The following FHAD1 variants were observed in gnomAD, a reference collection of about 807,000 sequenced individuals.
The protein encoded by FHAD1 is forkhead-associated domain-containing protein 1.
A neutral mutation model predicts 191.3 loss-of-function variants in FHAD1; 146 were observed. The observed-to-expected ratio is 0.76, with a 90% CI of 0.67 to 0.88. The LOEUF is 0.88. Among genes scored for constraint, FHAD1 ranks in the 40% least tolerant of loss-of-function variants. The pLI is 0.00. For missense variants in FHAD1, 1,635 were observed against 1,785.8 expected (o/e 0.92, Z 1.52); for synonymous variants, 616 against 672.3 (o/e 0.92, Z 1.29).
chr1:15,301,675 G>T (rs544915155), intron 6 of FHAD1, among the ~76,000 whole-genome samples: 2 of 152,364 alleles, frequency 1.3e-5, no homozygotes, highest in South Asian at 4.1e-4. Context: ...AAGCGCTTTA[G>T]ATTAACTTAT....
chr1:15,255,894 G>A (rs1341002092), intron 2 of FHAD1, among the ~76,000 whole-genome samples: 1 of 152,168 alleles, frequency 6.6e-6, no homozygotes, highest in African/African-American at 2.4e-5. Flanking sequence ...TTTTGATCTT[G>A]ATCTGAAAAA....
chr1:15,327,181 C>T lies in FHAD1; in HGVS notation c.1557+39C>T, dbSNP rs768521293. ...CCCTGCCACGTGGCTCCTTCACTTT[C>T]CTCTTCTTCTTCTTCGTGGATCTGG... On this transcript the variant is annotated intron_variant, in intron 12 of 33. Coordinates refer to ENST00000688493, the MANE Select transcript of FHAD1 (RefSeq NM_001391957.1). The surrounding 1 kb of genome is among the most constrained non-coding windows in gnomAD (Gnocchi z 5.1). 1.5e-6 allele frequency: 2 copies of T among 1,350,198 alleles called. No individual in the cohort carries two copies. Among genetic ancestry groups the T allele is most frequent in the South Asian group, 1.3e-5 (1 of 79,076 alleles). 83.6% of individuals were successfully genotyped at this position (1,350,198 alleles called of 1,614,324 possible).
chr1:15,281,496 A>G (rs1660567298), intron 3 of FHAD1, among the ~76,000 whole-genome samples: 1 of 152,004 alleles, frequency 6.6e-6, no homozygotes, highest in Non-Finnish European at 1.5e-5. Context: ...ATGGTGGCTC[A>G]CACCTGTAAT....
In FHAD1 at chr1:15,369,446, G is replaced by A; in HGVS notation, c.3391G>A (p.Asp1131Asn). 6.4e-7 allele frequency: 1 copy of A among 1,551,764 alleles called. No individual in the cohort carries two copies. The highest frequency in any genetic ancestry group is 8.7e-7 in the Non-Finnish European group (1 of 1,147,020). Residue 1131 changes from aspartate to asparagine, a missense_variant, in exon 26 of 34, where the codon GAC (aspartate) becomes AAC (asparagine). Asp to Asn is a conservative substitution (Grantham distance 23). Transcript: ENST00000688493. ...QKPRKKTQTC[D>N]TSVQIEPVHT... Reference sequence around the variant, plus strand: ...GCCCCGGAAGAAGACCCAGACGTGTGACACCTCTGTGCAGATAGAACCCGT... The same window carrying A: ...GCCCCGGAAGAAGACCCAGACGTGTAACACCTCTGTGCAGATAGAACCCGT...
intron 3 of FHAD1, among the ~76,000 whole-genome samples, chr1:15,285,294 G>A (rs893644820): frequency 2.6e-5 from 4 of 152,218 alleles, no homozygotes; most frequent in Non-Finnish European, 5.9e-5. Context: ...CACTTTGGGA[G>A]GCCAAGGCGG....
chr1:15,293,046 G>A (rs969957426), intron 4 of FHAD1, among the ~76,000 whole-genome samples: 2 of 152,192 alleles, frequency 1.3e-5, no homozygotes, highest in Non-Finnish European at 2.9e-5. Context: ...CATCCAGCAT[G>A]GGAGATGACT....
intron 23 of FHAD1, chr1:15,363,643 C>T: frequency 2.4e-6 from 1 of 410,538 alleles, no homozygotes; most frequent in Non-Finnish European, 4.8e-6. Context: ...CAGTGGAGAC[C>T]ACTTGGTGGG....
intron 28 of FHAD1, among the ~76,000 whole-genome samples, chr1:15,379,575 T>C (rs3001999): frequency 6.6e-6 from 1 of 151,912 alleles, no homozygotes; most frequent in Non-Finnish European, 1.5e-5. Context: ...TACGGGTGTC[T>C]GGCTGGGGGA....
chr1:15,378,120 A>G (rs893714193), intron 28 of FHAD1, among the ~76,000 whole-genome samples: 1 of 152,220 alleles, frequency 6.6e-6, no homozygotes, highest in African/African-American at 2.4e-5. Flanking sequence ...CCTGGCCAAC[A>G]TGGCAATACC....
intron 14 of FHAD1, among the ~76,000 whole-genome samples, chr1:15,330,354 A>G (rs889012738): frequency 2.0e-5 from 3 of 152,252 alleles, no homozygotes; most frequent in Admixed American, 2.0e-4. Flanking sequence ...CATGCTTACC[A>G]GAGGCCACAT....
chr1:15,344,689 C>T (rs1688155435), intron 16 of FHAD1, among the ~76,000 whole-genome samples: 1 of 152,210 alleles, frequency 6.6e-6, no homozygotes, highest in African/African-American at 2.4e-5. Context: ...TACTAGTAAA[C>T]TGGGTGGATT....
At chr1:15,315,485 C>CTTTTTTT (rs34261315) in intron 8 of FHAD1, among the ~76,000 whole-genome samples, 5 of 121,142 alleles carry the variant, frequency 4.1e-5, no homozygotes, top group Non-Finnish European at 6.6e-5. Flanking sequence ...TGGGTGTTTC[C>CTTTTTTT]TTTTTTTTTT....
chr1:15,377,620 T>A (rs1699970613), intron 28 of FHAD1, among the ~76,000 whole-genome samples: 1 of 151,896 alleles, frequency 6.6e-6, no homozygotes. Context: ...GGCAGATCAC[T>A]TTGAGCTCAG....
intron 2 of FHAD1, among the ~76,000 whole-genome samples, chr1:15,265,970 CAAAAAAAAAAA>C (rs531702447): frequency 2.5e-5 from 2 of 78,726 alleles, no homozygotes; most frequent in African/African-American, 5.3e-5. Context: ...GACTCCATCT[CAAAAAAAAAAA>C]AAAAAAAAGA....
chr1:15,388,913 G>A (rs1057210440), intron 32 of FHAD1, among the ~76,000 whole-genome samples: 2 of 152,178 alleles, frequency 1.3e-5, no homozygotes, highest in Admixed American at 6.5e-5. Flanking sequence ...GAGACAGATC[G>A]ATGTCATCAC....
chr1:15,272,374 T>G lies in FHAD1; in HGVS notation c.145T>G (p.Cys49Gly), dbSNP rs995776529. The G allele has an allele frequency of 3.0e-5, 47 of 1,551,420 alleles. No individual in the cohort carries two copies. Among genetic ancestry groups the G allele is most frequent in the Non-Finnish European group, 3.8e-5 (44 of 1,146,970 alleles). ...ACTCATTGAATATAACGAGGCGGAG[T>G]GCAGCTTTGTTCTCCAGGACTTCAA... ...HALIEYNEAE[C>G]SFVLQDFNSR... Residue 49 changes from cysteine (C) to glycine (G), a missense_variant, in exon 3 of 34, where the codon TGC (cysteine) becomes GGC (glycine). Physicochemically the swap from Cys to Gly is radical, Grantham distance 159. Coordinates refer to ENST00000688493, the MANE Select transcript of FHAD1 (RefSeq NM_001391957.1).
At chr1:15,308,444 G>A (rs1671221680) in intron 6 of FHAD1, among the ~76,000 whole-genome samples, 169 bp from the exon 7 acceptor site, 1 of 152,210 alleles carries the variant, frequency 6.6e-6, no homozygotes, top group African/African-American at 2.4e-5. Context: ...GGTCCTTGAA[G>A]GAACAGGCCC....
In FHAD1 at chr1:15,367,764, G is replaced by A. The variant is rs1696938753; in HGVS notation, c.3314+142G>A. 5.5e-6 allele frequency: 4 copies of A among 726,142 alleles called. No homozygotes were observed. In the South Asian group the frequency reaches 5.8e-5, roughly 10 times the overall value. 45.0% of individuals were successfully genotyped at this position (726,142 alleles called of 1,614,324 possible). On this transcript the variant is annotated intron_variant, in intron 25 of 33. Transcript: ENST00000688493. ...TGTGTTTCATGGCTTGGCTTATTCTGTGCTTCTCAAACTTCCTTGTCCAAT... is the reference window on the plus strand; with the variant it reads ...TGTGTTTCATGGCTTGGCTTATTCTATGCTTCTCAAACTTCCTTGTCCAAT...
intron 5 of FHAD1, among the ~76,000 whole-genome samples, chr1:15,298,828 G>T (rs944174981): frequency 6.6e-6 from 1 of 152,066 alleles, no homozygotes; most frequent in Non-Finnish European, 1.5e-5. Flanking sequence ...TTTATGCCCT[G>T]ACTTGTCAGG....
Sources: allele counts gnomAD v4.1 joint callset (sites outside exome capture counted in the v4.1 genomes callset), GRCh38; gene constraint gnomAD v4.1.1; non-coding constraint Gnocchi (gnomAD v3.1); transcripts MANE v1.5; gene names NCBI Gene and HGNC (gene_info 2026-07-23, HGNC 2026-07-21).